DOCK4: variants seen among roughly 807,000 people sequenced by gnomAD.
DOCK4 encodes the protein dedicator of cytokinesis protein 4.
In DOCK4, 97 loss-of-function variants were observed where a neutral mutation model predicts 268.1. The ratio of observed to expected loss-of-function variants is 0.36; its 90% CI spans 0.31 to 0.43. The LOEUF (loss-of-function observed/expected upper bound fraction) is 0.43, where lower values mean the gene tolerates loss of function less well. DOCK4 is among the 20% of genes least tolerant of loss of function. The pLI is 1.00. For synonymous variants in DOCK4, 954 were observed against 887.2 expected (o/e 1.08, Z -1.34); for missense variants, 2,145 against 2,455.7 (o/e 0.87, Z 2.67).
At position 112,072,988 on chromosome 7, in the gene DOCK4, G is replaced by T. The variant is rs193194471; in HGVS notation, c.38-68857C>A. Among the ~76,000 whole-genome samples, 483 of 152,280 alleles carry T rather than the reference G, an allele frequency of 3.2e-3. 1 individual carries two copies. Among genetic ancestry groups the T allele is most frequent in the Admixed American group, 7.3e-3 (111 of 15,306 alleles). On this transcript the variant is annotated intron_variant, in intron 1 of 52. Transcript: ENST00000428084. ...ATGCAGACAGCCCACCCCAAGGGAA[G>T]AATCAGGGGAGAAGGGATCACAACA...
chr7:111,756,444 C>T (rs989883755), intron 41 of DOCK4, among the ~76,000 whole-genome samples: 1 of 152,074 alleles, frequency 6.6e-6, no homozygotes, highest in Non-Finnish European at 1.5e-5. Flanking sequence ...TTAGAACCTA[C>T]CCACTAGGAC....
At chr7:111,870,672 G>C (rs1806350248) in intron 20 of DOCK4, among the ~76,000 whole-genome samples, 1 of 152,170 alleles carries the variant, frequency 6.6e-6, no homozygotes, top group Non-Finnish European at 1.5e-5. Flanking sequence ...CTCTGGGTCA[G>C]GGGAGAATAC....
chr7:112,028,515 G>T (rs544571993), intron 1 of DOCK4, among the ~76,000 whole-genome samples: 2 of 152,314 alleles, frequency 1.3e-5, no homozygotes, highest in African/African-American at 4.8e-5. Context: ...AGGTTTATCA[G>T]CCCAATGAAA....
At chr7:111,827,297 T>A (rs575028100) in intron 26 of DOCK4, among the ~76,000 whole-genome samples, 1 of 152,320 alleles carries the variant, frequency 6.6e-6, no homozygotes, top group East Asian at 1.9e-4. Flanking sequence ...TTTTCTGTAA[T>A]CAATATATTC....
intron 1 of DOCK4, among the ~76,000 whole-genome samples, chr7:112,189,878 G>C (rs2729540): frequency 0.16 from 23,503 of 149,994 alleles, 3,993 homozygotes; most frequent in African/African-American, 0.42. Context: ...CACCACACCC[G>C]GCTTTCTGGG....
chr7:111,733,221 T>A (rs1241192177), intron 51 of DOCK4, among the ~76,000 whole-genome samples: 1 of 152,192 alleles, frequency 6.6e-6, no homozygotes, highest in East Asian at 1.9e-4. Flanking sequence ...GAAAGACAGT[T>A]ACAGAGCCCC....
rs570677862 is a variant in DOCK4, at chr7:111,728,405, C to T, written c.5797G>A (p.Val1933Ile). The T allele has an allele frequency of 1.4e-4, 227 of 1,566,614 alleles. 3 individuals are homozygous for T. The highest frequency in any genetic ancestry group is 1.3e-3 in the South Asian group (104 of 82,916). The stretch of plus-strand genomic sequence containing the variant: ...GGCAGCGCGGGCGGCTCCGACGTGA[C>T]GGGGATGGAGAGGCTGTGAGGTAGC... ...VPLPHSLSIPVTSEPPALPPK... is the reference protein window; with the variant it reads ...VPLPHSLSIPITSEPPALPPK... The change falls in exon 53 of 53, where the codon GTC (valine) becomes ATC (isoleucine). Residue 1933 changes from valine to isoleucine, a missense_variant. Around this residue, in one of 2 missense-constraint regions of DOCK4, gnomAD observed 547 missense variants for 469.0 expected, o/e 1.17. Coordinates refer to ENST00000428084, the MANE Select transcript of DOCK4 (RefSeq NM_001363540.2).
intron 1 of DOCK4, among the ~76,000 whole-genome samples, chr7:112,152,118 G>T (rs1372161029): frequency 6.6e-6 from 1 of 152,064 alleles, no homozygotes; most frequent in East Asian, 1.9e-4. Context: ...ATTCATAAAA[G>T]AATATTTATA....
At chr7:111,885,007 T>A (rs1324743247) in intron 16 of DOCK4, among the ~76,000 whole-genome samples, 1 of 152,092 alleles carries the variant, frequency 6.6e-6, no homozygotes, top group African/African-American at 2.4e-5. Flanking sequence ...TGAGTGAGAT[T>A]TTGAACTAGA....
chr7:112,162,801 A>C (rs930029434), intron 1 of DOCK4, among the ~76,000 whole-genome samples: 11 of 152,348 alleles, frequency 7.2e-5, no homozygotes, highest in Admixed American at 5.2e-4. Context: ...CCTTGAAAAA[A>C]GAAGCCATAG....
chr7:111,728,676 C>T lies in DOCK4; in HGVS notation c.5526G>A (p.Ser1842=), dbSNP rs746074560. The T allele has an allele frequency of 6.2e-6, 10 of 1,613,658 alleles. No homozygotes were observed. The highest frequency in any genetic ancestry group is 3.3e-5 in the South Asian group (3 of 91,070). Residue 1842 remains serine, a synonymous_variant, in exon 53 of 53, where the codon TCG becomes TCA. Coordinates refer to ENST00000428084, the MANE Select transcript of DOCK4 (RefSeq NM_001363540.2). The part of the protein sequence containing the change: ...SFTPSPVEYH[S]PGLISNSPVL... ...CAGGGGAGTTGGAGATGAGTCCTGGCGAGTGGTACTCCACTGGAGAGGGGG... is the reference window on the plus strand; with the variant it reads ...CAGGGGAGTTGGAGATGAGTCCTGGTGAGTGGTACTCCACTGGAGAGGGGG...
intron 23 of DOCK4, among the ~76,000 whole-genome samples, chr7:111,857,505 T>C (rs1176279469): frequency 2.6e-5 from 4 of 152,226 alleles, no homozygotes; most frequent in African/African-American, 9.6e-5. Flanking sequence ...GGTCTTTATA[T>C]TTACTTCTAT....
chr7:112,199,584 C>T (rs1441370768), intron 1 of DOCK4, among the ~76,000 whole-genome samples: 2 of 152,078 alleles, frequency 1.3e-5, no homozygotes, highest in African/African-American at 4.8e-5. Flanking sequence ...ACTTTAATTC[C>T]TTATTTTTTT....
intron 42 of DOCK4, among the ~76,000 whole-genome samples, chr7:111,750,174 G>A (rs1226489109): frequency 2.0e-5 from 3 of 152,158 alleles, no homozygotes; most frequent in East Asian, 1.9e-4. Context: ...CAGGAAGGAT[G>A]GTAAAGGTAA....
chr7:111,728,943 G>T (rs908475946), intron 52 of DOCK4, among the ~76,000 whole-genome samples: 9 of 152,182 alleles, frequency 5.9e-5, no homozygotes, highest in African/African-American at 2.2e-4. Flanking sequence ...TGGACACACA[G>T]GGAGACGTCA....
chr7:112,206,096 A>C lies in DOCK4; in HGVS notation c.37+6T>G. Reference sequence around the variant, plus strand: ...CAGAATAAAAGTTCGCCCCGCGGAGACTCACCCACGCCGTATTTCTCGTGC... The same window carrying C: ...CAGAATAAAAGTTCGCCCCGCGGAGCCTCACCCACGCCGTATTTCTCGTGC... On this transcript the variant is annotated splice_donor_region_variant and intron_variant, in intron 1 of 52. Coordinates refer to ENST00000428084, the MANE Select transcript of DOCK4 (RefSeq NM_001363540.2). 1 of 1,579,780 alleles carries C rather than the reference A, an allele frequency of 6.3e-7. No homozygotes were observed. Among genetic ancestry groups the C allele is most frequent in the Non-Finnish European group, 8.6e-7 (1 of 1,162,588 alleles).
At chr7:112,040,749 C>T (rs1030964400) in intron 1 of DOCK4, among the ~76,000 whole-genome samples, 1 of 148,514 alleles carries the variant, frequency 6.7e-6, no homozygotes, top group Non-Finnish European at 1.5e-5. Context: ...CAGAGTGAAC[C>T]AAAAAAAAAG....
At chr7:112,028,036 T>C (rs1320205733) in intron 1 of DOCK4, among the ~76,000 whole-genome samples, 1 of 152,074 alleles carries the variant, frequency 6.6e-6, no homozygotes, top group African/African-American at 2.4e-5. Context: ...AAAGCCTCCA[T>C]GACAAAGATA....
At position 111,726,950 on chromosome 7, in the gene DOCK4, C is replaced by T. The variant is rs1252608961; in HGVS notation, c.*1324G>A. 6.6e-6 allele frequency: 1 copy of T among 152,366 alleles called. No individual in the cohort carries two copies. Among genetic ancestry groups the T allele is most frequent in the Admixed American group, 6.6e-5 (1 of 15,252 alleles). 9.4% of individuals were successfully genotyped at this position (152,366 alleles called of 1,614,324 possible). A position where few individuals can be genotyped will look rare whatever the true frequency, so the allele number is the denominator to read the frequency against. ...CCTTCCAGGTAAGCTACCAACAAAA[C>T]AAACATGGTTAAACTAAAATGAGCT... On this transcript the variant is annotated 3_prime_UTR_variant, in exon 53 of 53. Transcript: ENST00000428084.
Sources: gnomAD v4.1 joint callset for allele counts (sites outside exome capture counted in the v4.1 genomes callset) on GRCh38, gnomAD v4.1.1 for gene constraint, gnomAD v4.1.1 regional missense constraint, MANE v1.5 for transcripts, NCBI Gene and HGNC (gene_info 2026-07-23, HGNC 2026-07-21) for gene names.